Variants in PCDH9 observed in about 807,000 individuals in gnomAD.
PCDH9 encodes protocadherin 9.
In PCDH9, 24 loss-of-function variants were observed where a neutral mutation model predicts 70.6. The observed-to-expected ratio is 0.34, with a 90% confidence interval of 0.25 to 0.48. The LOEUF (loss-of-function observed/expected upper bound fraction) is 0.48, where lower values mean the gene tolerates loss of function less well. Ranked by LOEUF, PCDH9 falls within the 20% of genes least tolerant of loss-of-function variation. The pLI is 0.99. For synonymous variants in PCDH9, 562 were observed against 558.5 expected (o/e 1.01, Z -0.09); for missense variants, 1,281 against 1,503.6 (o/e 0.85, Z 2.45).
chr13:66,713,646 T>TATATATAC (rs1419328763), intron 3 of PCDH9, among the ~76,000 whole-genome samples: 4 of 144,450 alleles, frequency 2.8e-5, no homozygotes, highest in Non-Finnish European at 6.0e-5. Flanking sequence ...TATATATATA[T>TATATATAC]ATATATAATG....
intron 2 of PCDH9, among the ~76,000 whole-genome samples, chr13:66,907,158 T>C (rs957720079): frequency 6.6e-6 from 1 of 152,076 alleles, no homozygotes; most frequent in Admixed American, 6.5e-5. Flanking sequence ...GAGCTGAGAC[T>C]GCACCACTGC....
At chr13:66,544,523 G>T (rs1247598802) in intron 4 of PCDH9, among the ~76,000 whole-genome samples, 1 of 152,132 alleles carries the variant, frequency 6.6e-6, no homozygotes, top group Non-Finnish European at 1.5e-5. Context: ...GTGGTGTTAG[G>T]AATCTTTTAT....
At chr13:67,074,124 GTCTA>G (rs776996938) in intron 2 of PCDH9, among the ~76,000 whole-genome samples, 240 of 149,346 alleles carry the variant, frequency 1.6e-3, no homozygotes, top group African/African-American at 5.2e-3. Context: ...CTATCTATCT[GTCTA>G]TCTATCTATC....
chr13:67,082,739 A>G (rs1264230071), intron 2 of PCDH9, among the ~76,000 whole-genome samples: 1 of 152,196 alleles, frequency 6.6e-6, no homozygotes, highest in Non-Finnish European at 1.5e-5. Flanking sequence ...AAAAAATTTA[A>G]TTACCAATCC....
intron 2 of PCDH9, among the ~76,000 whole-genome samples, chr13:67,159,078 C>A (rs914364546): frequency 6.6e-6 from 1 of 152,124 alleles, no homozygotes; most frequent in Non-Finnish European, 1.5e-5. Flanking sequence ...TTATGGCTCT[C>A]ATTTTGAGTA....
At chr13:66,332,879 C>T (rs1955968941) in intron 4 of PCDH9, among the ~76,000 whole-genome samples, 1 of 151,840 alleles carries the variant, frequency 6.6e-6, no homozygotes, top group Non-Finnish European at 1.5e-5. Context: ...TAATTCTACT[C>T]TTTCACAGAA....
chr13:67,189,887 T>A (rs192593112), intron 2 of PCDH9, among the ~76,000 whole-genome samples: 1 of 152,014 alleles, frequency 6.6e-6, no homozygotes, highest in Admixed American at 6.6e-5. Flanking sequence ...AAAAATGTAA[T>A]GTTTTAATTT....
At chr13:66,749,345 C>T (rs527848940) in intron 3 of PCDH9, among the ~76,000 whole-genome samples, 1 of 152,222 alleles carries the variant, frequency 6.6e-6, no homozygotes, top group East Asian at 1.9e-4. Flanking sequence ...TCCATCTGCA[C>T]CCTCTTGCAC....
intron 2 of PCDH9, among the ~76,000 whole-genome samples, chr13:66,915,511 C>A (rs1484288440): frequency 4.0e-5 from 6 of 151,602 alleles, no homozygotes; most frequent in Admixed American, 2.0e-4. Context: ...AGACCATGAA[C>A]ACAACACTAA....
intron 4 of PCDH9, among the ~76,000 whole-genome samples, chr13:66,325,307 A>T (rs1169409422): frequency 6.6e-6 from 1 of 152,056 alleles, no homozygotes. Context: ...GATGAGAAGG[A>T]TAAGCGCTGG....
At chr13:67,015,529 G>C (rs1488368943) in intron 2 of PCDH9, among the ~76,000 whole-genome samples, 1 of 152,000 alleles carries the variant, frequency 6.6e-6, no homozygotes, top group Non-Finnish European at 1.5e-5. Context: ...TTTATCATTT[G>C]TAAATCATCA....
intron 2 of PCDH9, among the ~76,000 whole-genome samples, chr13:67,006,188 CT>C (rs2084350648): frequency 6.6e-6 from 1 of 152,162 alleles, no homozygotes; most frequent in African/African-American, 2.4e-5. Flanking sequence ...GATCGTGCCA[CT>C]GCACTCCAGC....
chr13:66,750,030 A>C (rs897014189), intron 3 of PCDH9, among the ~76,000 whole-genome samples: 3 of 152,174 alleles, frequency 2.0e-5, no homozygotes, highest in Non-Finnish European at 1.5e-5. Flanking sequence ...AATAAGCACA[A>C]AAACTGTTTA....
intron 4 of PCDH9, among the ~76,000 whole-genome samples, chr13:66,574,017 AT>A (rs2076775640): frequency 6.6e-6 from 1 of 152,132 alleles, no homozygotes; most frequent in African/African-American, 2.4e-5. Context: ...TACTCTTATC[AT>A]TTTGGACGAA....
intron 3 of PCDH9, among the ~76,000 whole-genome samples, chr13:66,791,397 A>G (rs1296756364): frequency 6.6e-6 from 1 of 152,136 alleles, no homozygotes; most frequent in Non-Finnish European, 1.5e-5. Flanking sequence ...ACATTTCAGT[A>G]AAATAATTTT....
chr13:67,174,017 C>T (rs1340420370), intron 2 of PCDH9, among the ~76,000 whole-genome samples: 1 of 151,946 alleles, frequency 6.6e-6, no homozygotes, highest in East Asian at 1.9e-4. Flanking sequence ...TATAATTAAT[C>T]TATTCATAGT....
At chr13:66,874,002 A>C (rs935735585) in intron 3 of PCDH9, among the ~76,000 whole-genome samples, 14 of 142,130 alleles carry the variant, frequency 9.9e-5, no homozygotes, top group Non-Finnish European at 2.1e-4. Flanking sequence ...GTGAAGTGGC[A>C]CAGGCATGGC....
intron 3 of PCDH9, among the ~76,000 whole-genome samples, chr13:66,877,697 C>T (rs746027930): frequency 1.3e-5 from 2 of 152,168 alleles, no homozygotes; most frequent in Non-Finnish European, 2.9e-5. Context: ...CAAGGAACAA[C>T]ATCTTCATTG....
chr13:66,895,835 A>G (rs1396929965), intron 3 of PCDH9, among the ~76,000 whole-genome samples: 4 of 152,170 alleles, frequency 2.6e-5, no homozygotes, highest in Admixed American at 2.6e-4. Flanking sequence ...TCAGTGGAAG[A>G]TACTATGGTT....
Sources: gnomAD v4.1 joint callset for allele counts (sites outside exome capture counted in the v4.1 genomes callset) on GRCh38, gnomAD v4.1.1 for gene constraint, MANE v1.5 for transcripts, NCBI Gene and HGNC (gene_info 2026-07-23, HGNC 2026-07-21) for gene names.